The following SIPA1L1 variants were observed in gnomAD, a reference collection of about 807,000 sequenced individuals.
The protein encoded by SIPA1L1 is signal induced proliferation associated 1 like 1, also known as signal-induced proliferation-associated 1-like protein 1.
A neutral mutation model predicts 162.7 loss-of-function variants in SIPA1L1; 26 were observed. That is an observed-to-expected ratio of 0.16 (90% CI 0.12 to 0.22). The LOEUF is 0.22. Among genes scored for constraint, SIPA1L1 ranks in the 10% least tolerant of loss-of-function variants. The pLI is 1.00. For missense variants in SIPA1L1, 1,874 were observed against 2,241.0 expected (o/e 0.84, Z 3.31); for synonymous variants, 829 against 837.4 (o/e 0.99, Z 0.17).
chr14:71,375,817 T>TAA (rs2039323142), intron 2 of SIPA1L1, among the ~76,000 whole-genome samples: 1 of 152,180 alleles, frequency 6.6e-6, no homozygotes, highest in Non-Finnish European at 1.5e-5. Context: ...CTGTGTCTAT[T>TAA]AGACTGATCC....
intron 8 of SIPA1L1, among the ~76,000 whole-genome samples, chr14:71,650,845 CA>C: frequency 6.6e-6 from 1 of 152,188 alleles, no homozygotes. Flanking sequence ...CGGAAACTTA[CA>C]ACTGTCTGAG....
intron 2 of SIPA1L1, among the ~76,000 whole-genome samples, chr14:71,457,092 T>G (rs781345065): frequency 6.6e-6 from 1 of 152,050 alleles, no homozygotes; most frequent in Non-Finnish European, 1.5e-5. Context: ...TTACTGACAC[T>G]GTGTAGAATA....
intron 2 of SIPA1L1, among the ~76,000 whole-genome samples, chr14:71,460,318 C>T (rs1352705348): frequency 1.3e-5 from 2 of 152,138 alleles, no homozygotes; most frequent in Non-Finnish European, 2.9e-5. Flanking sequence ...AATCTTCATT[C>T]CTGAGGAGTC....
At chr14:71,666,887 AAAAG>A (rs2044061806) in intron 10 of SIPA1L1, among the ~76,000 whole-genome samples, 1 of 151,864 alleles carries the variant, frequency 6.6e-6, no homozygotes, top group Non-Finnish European at 1.5e-5. Flanking sequence ...AAAAAAAAAA[AAAAG>A]AATTTGCAAG....
At chr14:71,667,760 AAC>A (rs1166922237) in intron 10 of SIPA1L1, among the ~76,000 whole-genome samples, 1 of 152,076 alleles carries the variant, frequency 6.6e-6, no homozygotes, top group African/African-American at 2.4e-5. Context: ...TTATCCACTA[AAC>A]TGTTCAGAAG....
At chr14:71,487,414 G>T (rs2048860676) in intron 2 of SIPA1L1, among the ~76,000 whole-genome samples, 1 of 152,190 alleles carries the variant, frequency 6.6e-6, no homozygotes, top group Non-Finnish European at 1.5e-5. Flanking sequence ...TAGGAAGCAT[G>T]CATTCTGTAT....
At chr14:71,441,550 G>A (rs559427515) in intron 2 of SIPA1L1, among the ~76,000 whole-genome samples, 73 of 152,362 alleles carry the variant, frequency 4.8e-4, no homozygotes, top group African/African-American at 1.7e-3. Flanking sequence ...GAGGGACATA[G>A]TCTCTAAGAT....
chr14:71,523,350 TC>T (rs1349902423), intron 3 of SIPA1L1, among the ~76,000 whole-genome samples: 1 of 152,122 alleles, frequency 6.6e-6, no homozygotes, highest in African/African-American at 2.4e-5. Flanking sequence ...TCCATATTTT[TC>T]TTTTTTTCGC....
intron 2 of SIPA1L1, among the ~76,000 whole-genome samples, chr14:71,478,010 AC>A (rs201719438): frequency 0.018 from 2,677 of 152,330 alleles, 33 homozygotes; most frequent in Non-Finnish European, 0.024. Context: ...GGCATCCTTG[AC>A]AGCATTTCCT....
rs770397793 is a variant in SIPA1L1 at position 71,671,452 on chromosome 14, C to T, written c.2589C>T (p.Val863=). ...LSSMGAIVWA[V]RAEDYNKAME... is the part of the protein sequence containing the mutation. ...GCATGGGGGCCATTGTATGGGCAGT[C>T]CGGGCTGAAGACTACAACAAGGCCA... The change falls in exon 11 of 24, where the codon GTC becomes GTT. Residue 863 remains valine, a synonymous_variant. Transcript: ENST00000381232. 6.8e-6 allele frequency: 11 copies of T among 1,614,106 alleles called. No homozygotes were observed. Among genetic ancestry groups the T allele is most frequent in the Middle Eastern group, 1.6e-4 (1 of 6,062 alleles).
chr14:71,521,523 G>T (rs1335310317), intron 3 of SIPA1L1, among the ~76,000 whole-genome samples: 1 of 152,218 alleles, frequency 6.6e-6, no homozygotes, highest in African/African-American at 2.4e-5. Context: ...GAAGGCTAGA[G>T]AATTCTTTTA....
chr14:71,387,029 A>G (rs1464217386), intron 2 of SIPA1L1, among the ~76,000 whole-genome samples: 1 of 152,092 alleles, frequency 6.6e-6, no homozygotes, highest in African/African-American at 2.4e-5. Context: ...CAGGCAGATC[A>G]CCTGAGGTCA....
chr14:71,580,996 A>G (rs2033855512), intron 4 of SIPA1L1, among the ~76,000 whole-genome samples: 2 of 152,172 alleles, frequency 1.3e-5, no homozygotes, highest in Non-Finnish European at 2.9e-5. Context: ...CTATCTGTCT[A>G]TCTATAACAT....
chr14:71,671,223 A>C lies in SIPA1L1; in HGVS notation c.2360A>C (p.Lys787Thr), dbSNP rs755907528. ...GTGTTCAGGGACTTCCTTTTGGCGA[A>C]AGTGATTAATGCAGAAAATGCTGCT... ...SNVFRDFLLA[K>T]VINAENAAHK... The change falls in exon 11 of 24, where the codon AAA becomes ACA. Residue 787 changes from lysine (K) to threonine (T), a missense_variant. Transcript: ENST00000381232. 3.7e-5 allele frequency: 59 copies of C among 1,614,060 alleles called. No individual in the cohort carries two copies. In the South Asian group the frequency reaches 6.5e-4, roughly 18 times the overall value.
chr14:71,437,620 C>G (rs1187927491), intron 2 of SIPA1L1, among the ~76,000 whole-genome samples: 1 of 152,144 alleles, frequency 6.6e-6, no homozygotes, highest in East Asian at 1.9e-4. Context: ...CCTGGACTTC[C>G]CAAAGTGCTG....
intron 2 of SIPA1L1, among the ~76,000 whole-genome samples, chr14:71,440,354 TTAAAAAAA>T (rs2044738057): frequency 6.6e-6 from 1 of 151,918 alleles, no homozygotes; most frequent in Non-Finnish European, 1.5e-5. Context: ...AGTAAGATGA[TTAAAAAAA>T]TAAAATATGT....
At chr14:71,733,431 A>G (rs1426188044) in intron 20 of SIPA1L1, among the ~76,000 whole-genome samples, 2 of 152,218 alleles carry the variant, frequency 1.3e-5, no homozygotes, top group African/African-American at 4.8e-5. Flanking sequence ...TAACTTTGCC[A>G]TGACTCACTG....
intron 2 of SIPA1L1, among the ~76,000 whole-genome samples, chr14:71,458,300 G>A (rs2046334800): frequency 6.6e-6 from 1 of 152,030 alleles, no homozygotes; most frequent in Non-Finnish European, 1.5e-5. Flanking sequence ...TGAGATTTTG[G>A]CACTCTAGAC....
chr14:71,323,334 A>C (rs575441496), intron 2 of SIPA1L1, among the ~76,000 whole-genome samples: 1 of 152,184 alleles, frequency 6.6e-6, no homozygotes, highest in African/African-American at 2.4e-5. Context: ...TTTTTTAAAA[A>C]TCTGTTTGAG....
Sources: allele counts gnomAD v4.1 joint callset (sites outside exome capture counted in the v4.1 genomes callset), GRCh38; gene constraint gnomAD v4.1.1; transcripts MANE v1.5; gene names NCBI Gene and HGNC (gene_info 2026-07-23, HGNC 2026-07-21).